The following DRD3 variants were observed in gnomAD, a reference collection of about 807,000 sequenced individuals.
The protein encoded by DRD3 is dopamine receptor D3, also known as D(3) dopamine receptor.
In DRD3, 19 loss-of-function variants were observed where a neutral mutation model predicts 36.3. The ratio of observed to expected loss-of-function variants is 0.52; its 90% CI spans 0.36 to 0.77. The LOEUF (loss-of-function observed/expected upper bound fraction) is 0.77, where lower values mean the gene tolerates loss of function less well. Among genes scored for constraint, DRD3 ranks in the 30% least tolerant of loss-of-function variants. The pLI is 0.00. For synonymous variants in DRD3, 195 were observed against 203.7 expected, an observed-to-expected ratio of 0.96 and a Z score of 0.36; for missense variants, 465 against 505.3, an observed-to-expected ratio of 0.92 and a Z score of 0.77.
chr3:114,186,024 T>C (rs1367397046), intron 1 of DRD3, among the ~76,000 whole-genome samples: 1 of 152,202 alleles, frequency 6.6e-6, no homozygotes, highest in Non-Finnish European at 1.5e-5. Context: ...TTTAAAAAAA[T>C]GTTAAGTGCT....
intron 3 of DRD3, among the ~76,000 whole-genome samples, chr3:114,153,177 G>T (rs1341802960): frequency 3.3e-5 from 5 of 152,136 alleles, no homozygotes; most frequent in Non-Finnish European, 7.4e-5. Context: ...TTTTTTCTAA[G>T]ATCCAATTTT....
At chr3:114,131,077 C>T in intron 6 of DRD3, 41 bp downstream of exon 6, 1 of 1,592,352 alleles carries the variant, frequency 6.3e-7, no homozygotes, top group Non-Finnish European at 8.6e-7. Flanking sequence ...CTTAACACAA[C>T]CTAACCCAAC....
At chr3:114,155,533 G>C (rs1388212409) in intron 3 of DRD3, among the ~76,000 whole-genome samples, 2 of 150,568 alleles carry the variant, frequency 1.3e-5, no homozygotes, top group African/African-American at 2.4e-5. Context: ...AGGCATGGCT[G>C]CTGGCCGCAA....
At chr3:114,150,217 C>T (rs1194304615) in intron 3 of DRD3, among the ~76,000 whole-genome samples, 1 of 152,198 alleles carries the variant, frequency 6.6e-6, no homozygotes, top group African/African-American at 2.4e-5. Flanking sequence ...CTTCAATAGT[C>T]AGAGACTGGT....
At chr3:114,193,218 G>A (rs1485673168) in intron 1 of DRD3, among the ~76,000 whole-genome samples, 1 of 152,192 alleles carries the variant, frequency 6.6e-6, no homozygotes, top group Non-Finnish European at 1.5e-5. Flanking sequence ...GGCGGAGCTT[G>A]GAGTGAGCCA....
At chr3:114,131,056 G>C in intron 6 of DRD3, 62 bp downstream of exon 6, 2 of 1,546,066 alleles carry the variant, frequency 1.3e-6, no homozygotes, top group Non-Finnish European at 1.8e-6. Context: ...TCTTCTACCA[G>C]CTCCACTTAA....
At position 114,147,516 on chromosome 3, in the gene DRD3, G is replaced by A. The variant is rs570384234; in HGVS notation, c.425C>T (p.Thr142Met). Reference sequence around the variant, plus strand: ...CACGCGCCGACAGGAGCTCTGTCCCGTGCCATGCTGGTAGTGAACGGGCAT... The same window carrying A: ...CACGCGCCGACAGGAGCTCTGTCCCATGCCATGCTGGTAGTGAACGGGCAT... ...VVMPVHYQHGTGQSSCRRVAL... is the reference protein window; with the variant it reads ...VVMPVHYQHGMGQSSCRRVAL... Residue 142 changes from threonine (T) to methionine (M), a missense_variant, in exon 4 of 7, where the codon ACG (threonine) becomes ATG (methionine). By Grantham distance (81) the Thr-to-Met change is moderately conservative. Transcript: ENST00000383673. 28 of 1,614,092 alleles carry A rather than the reference G, an allele frequency of 1.7e-5. No individual in the cohort carries two copies. The East Asian group carries it at 2.9e-4, about 17-fold the overall frequency.
At chr3:114,183,199 A>T (rs578184951), upstream of DRD3, among the ~76,000 whole-genome samples, 6 of 152,316 alleles carry the variant, frequency 3.9e-5, no homozygotes, top group African/African-American at 1.4e-4. Context: ...ATTCTTTAAA[A>T]GTGTGTTGTT....
At chr3:114,169,273 T>G (rs569897928) in intron 2 of DRD3, among the ~76,000 whole-genome samples, 1 of 151,266 alleles carries the variant, frequency 6.6e-6, no homozygotes, top group East Asian at 2.0e-4. Flanking sequence ...TATAGACTGA[T>G]GTAAGATGGA....
chr3:114,171,931 G>A lies in DRD3; in HGVS notation c.62C>T (p.Thr21Ile), dbSNP rs778559103. 1.9e-6 allele frequency: 3 copies of A among 1,594,012 alleles called. No individual in the cohort carries two copies. In the East Asian group the frequency reaches 6.8e-5, roughly 36 times the overall value. Residue 21 changes from threonine (T) to isoleucine (I), a missense_variant, in exon 2 of 7, where the codon ACA becomes ATA. Coordinates refer to ENST00000383673, the MANE Select transcript of DRD3 (RefSeq NM_000796.6). The stretch of plus-strand genomic sequence containing the variant: ...ATGTGGGCGGGCCTGGCTGGCACCT[G>A]TGGAGTTCTCTGCCCCACAGGTGTA... ...LNYTCGAENS[T>I]GASQARPHAY...
chr3:114,168,431 G>A lies in DRD3; in HGVS notation c.270+3292C>T, dbSNP rs182880444. On this transcript the variant is annotated intron_variant, in intron 2 of 6. Coordinates refer to ENST00000383673, the MANE Select transcript of DRD3 (RefSeq NM_000796.6). ...TACATCTTTTATAAATAAAACACAC[G>A]TTTTCATTTTTTCTTTTTTAGCTTC... 2.6e-5 allele frequency among the ~76,000 whole-genome samples: 4 copies of A among 152,192 alleles called. No individual in the cohort carries two copies. In the East Asian group the frequency reaches 5.8e-4, roughly 22 times the overall value.
At chr3:114,138,057 T>C (rs1280666082) in intron 5 of DRD3, among the ~76,000 whole-genome samples, 1 of 146,842 alleles carries the variant, frequency 6.8e-6, no homozygotes, top group Non-Finnish European at 1.5e-5. Context: ...TAATCCCAGC[T>C]ATTCGGGAGG....
chr3:114,155,496 A>C (rs2077658121), intron 3 of DRD3, among the ~76,000 whole-genome samples: 1 of 152,100 alleles, frequency 6.6e-6, no homozygotes, highest in Non-Finnish European at 1.5e-5. Flanking sequence ...GTTGCGTTTT[A>C]AGTGGTAAAA....
At chr3:114,180,752 T>G (rs1484863631), upstream of DRD3, among the ~76,000 whole-genome samples, 4 of 152,184 alleles carry the variant, frequency 2.6e-5, no homozygotes, top group African/African-American at 9.7e-5. Context: ...ATAACTATAT[T>G]GAACATGCCC....
upstream of DRD3, among the ~76,000 whole-genome samples, chr3:114,182,117 C>T (rs941607464): frequency 1.3e-5 from 2 of 152,182 alleles, no homozygotes; most frequent in African/African-American, 4.8e-5. Context: ...TCACTGGAAT[C>T]AGACCTCAAG....
At chr3:114,149,435 G>C (rs1307557069) in intron 3 of DRD3, among the ~76,000 whole-genome samples, 1 of 152,112 alleles carries the variant, frequency 6.6e-6, no homozygotes, top group African/African-American at 2.4e-5. Context: ...TTGGTCTCCT[G>C]CTGCCAGGTT....
intron 1 of DRD3, among the ~76,000 whole-genome samples, chr3:114,190,811 T>C (rs1245475394): frequency 2.6e-5 from 4 of 151,974 alleles, no homozygotes; most frequent in Admixed American, 2.6e-4. Flanking sequence ...TTAACAGGAC[T>C]AGAAGGGAGA....
At chr3:114,175,497 A>G (rs1017385443) in intron 1 of DRD3, among the ~76,000 whole-genome samples, 2 of 152,206 alleles carry the variant, frequency 1.3e-5, no homozygotes, top group African/African-American at 4.8e-5. Context: ...GCAGGGAGGA[A>G]GTTGAAACAA....
rs527288991 is a variant in DRD3 at position 114,127,597 on chromosome 3, T to C, written c.*1119A>G. On this transcript the variant is annotated 3_prime_UTR_variant, in exon 7 of 7. Transcript: ENST00000383673. The stretch of plus-strand genomic sequence containing the variant: ...ATAGTAAATACATAAACCAGTAACA[T>C]AGTCATTTATTATCAATATTAAGTA... 4.6e-5 allele frequency among the ~76,000 whole-genome samples: 7 copies of C among 152,250 alleles called. No individual in the cohort carries two copies. The highest frequency in any genetic ancestry group is 1.0e-4 in the Non-Finnish European group (7 of 68,050).
Sources: allele counts gnomAD v4.1 joint callset (sites outside exome capture counted in the v4.1 genomes callset), GRCh38; gene constraint gnomAD v4.1.1; transcripts MANE v1.5; gene names NCBI Gene and HGNC (gene_info 2026-07-23, HGNC 2026-07-21).